The following FBXL18 variants were observed in gnomAD, a reference collection of about 807,000 sequenced individuals.
FBXL18 encodes F-box and leucine rich repeat protein 18.
A neutral mutation model predicts 46.0 loss-of-function variants in FBXL18; 36 were observed. The observed-to-expected ratio is 0.78, with a 90% CI of 0.60 to 1.03. The LOEUF (loss-of-function observed/expected upper bound fraction) is 1.03, where lower values mean the gene tolerates loss of function less well. FBXL18 is among the 50% of genes least tolerant of loss of function. The pLI, the probability that FBXL18 is intolerant of heterozygous loss-of-function variation, is 0.00. For missense variants in FBXL18, 977 were observed against 1,004.1 expected (o/e 0.97, Z 0.36); for synonymous variants, 557 against 465.3 (o/e 1.20, Z -2.54).
Position 5,477,972 on chromosome 7 carries a change from G to A in FBXL18, c.*3803C>T, listed in dbSNP as rs1783554921. 1 of 152,424 alleles carries A rather than the reference G, an allele frequency of 6.6e-6. No homozygotes were observed. Among genetic ancestry groups the A allele is most frequent in the South Asian group, 2.1e-4 (1 of 4,840 alleles). The allele number at this position is 152,424 out of a possible 1,614,324, so 9.4% of individuals were successfully genotyped here. On this transcript the variant is annotated 3_prime_UTR_variant, in exon 5 of 5. Transcript: ENST00000382368. This position sits in a 1 kb window ranked among gnomAD's most constrained non-coding sequence, Gnocchi z 4.4. ...TCTGGCCCCTCCACAAGCCCTCCAG[G>A]CCCACGCCTGAGCCCAGCCCCGGTC...
At chr7:5,464,663 C>CAAAA (rs774631633) in intron 4 of FBXL18, among the ~76,000 whole-genome samples, 123 of 28,744 alleles carry the variant, frequency 4.3e-3, no homozygotes, top group East Asian at 6.5e-3. Flanking sequence ...ACTCTTATCT[C>CAAAA]AAAAAAAAAA....
chr7:5,468,923 T>A (rs139708928), intron 4 of FBXL18, among the ~76,000 whole-genome samples: 1 of 152,060 alleles, frequency 6.6e-6, no homozygotes, highest in African/African-American at 2.4e-5. Flanking sequence ...CTAATCAAAC[T>A]GGCTGTGTTC....
chr7:5,501,793 G>T lies in FBXL18; in HGVS notation c.476C>A (p.Ala159Asp), dbSNP rs1584236350. 6.4e-7 allele frequency: 1 copy of T among 1,565,612 alleles called. No individual in the cohort carries two copies. Among genetic ancestry groups the T allele is most frequent in the Non-Finnish European group, 8.7e-7 (1 of 1,155,152 alleles). ...LAIDVSPGFDASQLSSECKAT... is the reference protein window; with the variant it reads ...LAIDVSPGFDDSQLSSECKAT... ...CTTGCACTCGCTGCTCAGCTGGCTG[G>T]CGTCGAAGCCGGGGCTCACGTCGAT... Residue 159 changes from alanine to aspartate, a missense_variant, in exon 3 of 5, where the codon GCC becomes GAC. Ala to Asp is a moderately radical substitution (Grantham distance 126, BLOSUM62 -2). Coordinates refer to ENST00000382368, the MANE Select transcript of FBXL18 (RefSeq NM_024963.6).
At chr7:5,474,085 T>C (rs1783470270), downstream of FBXL18, among the ~76,000 whole-genome samples, 1 of 151,952 alleles carries the variant, frequency 6.6e-6, no homozygotes, top group Non-Finnish European at 1.5e-5. Context: ...GCGTGAGCCA[T>C]TGTGCCTGGC....
Position 5,501,386 on chromosome 7 carries a change from G to C in FBXL18, c.883C>G (p.Leu295Val). The stretch of plus-strand genomic sequence containing the variant: ...TTCAGCCAGGACTTGGGCAGCTGCA[G>C]GGCATCCAGCACGACATTGCGCGCC... ...SMARNVVLDALQLPKSWLNGS... is the reference protein window; with the variant it reads ...SMARNVVLDAVQLPKSWLNGS... Residue 295 changes from leucine (L) to valine (V), a missense_variant, in exon 3 of 5, where the codon CTG becomes GTG. Physicochemically the swap from Leu to Val is conservative, Grantham distance 32. Transcript: ENST00000382368. 6.2e-7 allele frequency: 1 copy of C among 1,613,996 alleles called. No homozygotes were observed. The highest frequency in any genetic ancestry group is 8.5e-7 in the Non-Finnish European group (1 of 1,180,030).
Position 5,502,025 on chromosome 7 carries a change from C to G in FBXL18, c.244G>C (p.Glu82Gln). Residue 82 changes from glutamate to glutamine, a missense_variant, in exon 3 of 5, where the codon GAG becomes CAG. Physicochemically the swap from Glu to Gln is conservative, Grantham distance 29 (BLOSUM62 2). Transcript: ENST00000382368. ...TTCACCAGCTGCCTCACTTTGTCCTCGCTCGCCTGCGGGACAGAGGCAGGG... is the reference window on the plus strand; with the variant it reads ...TTCACCAGCTGCCTCACTTTGTCCTGGCTCGCCTGCGGGACAGAGGCAGGG... ...VLLQKDYQAS[E>Q]DKVRQLVKEI... The G allele has an allele frequency of 1.9e-6, 3 of 1,588,156 alleles. No individual in the cohort carries two copies. The highest frequency in any genetic ancestry group is 1.8e-5 in the Admixed American group (1 of 57,064).
chr7:5,457,995 T>C (rs895265480), intron 4 of FBXL18, among the ~76,000 whole-genome samples: 1 of 152,190 alleles, frequency 6.6e-6, no homozygotes, highest in Non-Finnish European at 1.5e-5. Flanking sequence ...TAAAAAATAT[T>C]TCTTTCCAGC....
intron 4 of FBXL18, 28 bp downstream of exon 4, chr7:5,491,203 G>A: frequency 6.3e-7 from 1 of 1,585,848 alleles, no homozygotes; most frequent in Non-Finnish European, 8.6e-7. Context: ...TGCGGCCCCT[G>A]AAGCTGTACG....
At chr7:5,509,904 G>A (rs955087537) in intron 1 of FBXL18, among the ~76,000 whole-genome samples, 5 of 151,902 alleles carry the variant, frequency 3.3e-5, no homozygotes, top group Admixed American at 6.6e-5. Flanking sequence ...GCTGCTGGGC[G>A]GGCGAGTTGA....
chr7:5,502,316 C>T (rs554735644), intron 2 of FBXL18, among the ~76,000 whole-genome samples: 2 of 152,316 alleles, frequency 1.3e-5, no homozygotes, highest in African/African-American at 2.4e-5. Flanking sequence ...AGATGGATCA[C>T]CTGAGGTCAG....
intron 4 of FBXL18, chr7:5,489,986 T>G (rs1030487239): frequency 7.8e-7 from 1 of 1,283,664 alleles, no homozygotes; most frequent in Non-Finnish European, 1.0e-6. Context: ...TAGTCTAAAT[T>G]TTTAAAAAGT....
intron 1 of FBXL18, 38 bp downstream of exon 1, chr7:5,513,619 C>T: frequency 6.2e-7 from 1 of 1,610,970 alleles, no homozygotes; most frequent in East Asian, 2.2e-5. Context: ...CCGAGGCCGC[C>T]GAGGCAGAAG....
In FBXL18 at chr7:5,455,454, G is replaced by A. The variant is rs988031086; in HGVS notation, c.2001-7611C>T. ...AGCATCAAGGAGCACTCTCGTGGGA[G>A]CACTACCTTAGTCTCCTTGCTCGCC... On this transcript the variant is annotated intron_variant and NMD_transcript_variant, in intron 4 of 6. Coordinates refer to the FBXL18 transcript ENST00000415009. This position sits in a 1 kb window ranked among gnomAD's most constrained non-coding sequence, Gnocchi z 4.6. Among the ~76,000 whole-genome samples, 2 of 152,120 alleles carry A rather than the reference G, an allele frequency of 1.3e-5. No homozygotes were observed. The highest frequency in any genetic ancestry group is 4.8e-5 in the African/African-American group (2 of 41,414).
At chr7:5,474,842 G>C (rs1026883719), downstream of FBXL18, among the ~76,000 whole-genome samples, 11 of 150,730 alleles carry the variant, frequency 7.3e-5, no homozygotes, top group Non-Finnish European at 1.6e-4. Flanking sequence ...CGAGCAGCTG[G>C]GACTACAGGC....
intron 2 of FBXL18, among the ~76,000 whole-genome samples, chr7:5,502,304 G>A (rs934901397): frequency 2.6e-5 from 4 of 152,342 alleles, no homozygotes; most frequent in Middle Eastern, 3.4e-3. Context: ...GGAAGCCAAG[G>A]CAGATGGATC....
chr7:5,464,802 A>G (rs1477733562), intron 4 of FBXL18, among the ~76,000 whole-genome samples: 4 of 148,086 alleles, frequency 2.7e-5, no homozygotes, highest in Non-Finnish European at 6.0e-5. Flanking sequence ...GGTGGCTCAC[A>G]CCTGTAATCC....
chr7:5,501,365 G>A lies in FBXL18; in HGVS notation c.904C>T (p.Leu302=). ...TGCTGCAGGAGGGAAGAGCCGTTCA[G>A]CCAGGACTTGGGCAGCTGCAGGGCA... The part of the protein sequence containing the change: ...LDALQLPKSW[L]NGSSLLQHMK... The change falls in exon 3 of 5, where the codon CTG becomes TTG. Residue 302 remains leucine, a synonymous_variant. Transcript: ENST00000382368. The A allele has an allele frequency of 6.2e-7, 1 of 1,614,120 alleles. No individual in the cohort carries two copies. The highest frequency in any genetic ancestry group is 2.2e-5 in the East Asian group (1 of 44,880).
At position 5,503,297 on chromosome 7, in the gene FBXL18, T is replaced by C. The variant is rs113304689; in HGVS notation, c.238-1266A>G. Among the ~76,000 whole-genome samples the C allele has an allele frequency of 9.1e-3, 1,390 of 152,284 alleles. 35 individuals are homozygous for C. Among genetic ancestry groups the C allele is most frequent in the African/African-American group, 0.032 (1,336 of 41,562 alleles). On this transcript the variant is annotated intron_variant, in intron 2 of 4. Transcript: ENST00000382368. ...TACTTGGGAGGCTGAGGCAGGAGGATGGCTTGAGCCTGGGAGGTGGACGTT... is the reference window on the plus strand; with the variant it reads ...TACTTGGGAGGCTGAGGCAGGAGGACGGCTTGAGCCTGGGAGGTGGACGTT...
At chr7:5,487,722 G>A (rs902958552) in intron 4 of FBXL18, among the ~76,000 whole-genome samples, 1 of 152,236 alleles carries the variant, frequency 6.6e-6, no homozygotes, top group Non-Finnish European at 1.5e-5. Context: ...GGGGGCCCCA[G>A]GCAGGCGCCC....
Sources: gnomAD v4.1 joint callset for allele counts (sites outside exome capture counted in the v4.1 genomes callset) on GRCh38, gnomAD v4.1.1 for gene constraint, Gnocchi (gnomAD v3.1) non-coding constraint, MANE v1.5 for transcripts, NCBI Gene and HGNC (gene_info 2026-07-23, HGNC 2026-07-21) for gene names.